RGS17: variants seen among roughly 807,000 people sequenced by gnomAD.
The protein encoded by RGS17 is regulator of G-protein signaling 17.
Under a neutral mutation model 25.5 loss-of-function variants are expected in RGS17, and 12 were observed. That is an observed-to-expected ratio of 0.47 (90% confidence interval 0.30 to 0.76). The LOEUF is 0.76. Among genes scored for constraint, RGS17 ranks in the 30% least tolerant of loss-of-function variants. RGS17 has a pLI of 0.07. For missense variants in RGS17, 196 were observed against 242.2 expected (o/e 0.81, Z 1.27); for synonymous variants, 71 against 76.9 (o/e 0.92, Z 0.40).
At chr6:153,040,634 GTTTC>G (rs1231141321) in intron 2 of RGS17, among the ~76,000 whole-genome samples, 2 of 151,296 alleles carry the variant, frequency 1.3e-5, no homozygotes, top group Non-Finnish European at 2.9e-5. Context: ...CATTTTTAGT[GTTTC>G]TTTTTGTTCT....
intron 1 of RGS17, among the ~76,000 whole-genome samples, chr6:153,098,041 A>T (rs901148517): frequency 4.6e-5 from 7 of 152,150 alleles, no homozygotes; most frequent in African/African-American, 1.4e-4. Flanking sequence ...ATCACTTCCA[A>T]GAGCTGCCAG....
intron 1 of RGS17, among the ~76,000 whole-genome samples, chr6:153,089,934 C>T (rs891227878): frequency 6.6e-6 from 1 of 151,984 alleles, no homozygotes; most frequent in Non-Finnish European, 1.5e-5. Context: ...AAATCTTTTC[C>T]AGGCATCAGT....
At chr6:153,061,922 T>C (rs1776644292) in intron 1 of RGS17, among the ~76,000 whole-genome samples, 1 of 152,246 alleles carries the variant, frequency 6.6e-6, no homozygotes, top group Non-Finnish European at 1.5e-5. Flanking sequence ...TTTCCAAAGC[T>C]ACATTCTGTA....
intron 1 of RGS17, among the ~76,000 whole-genome samples, chr6:153,106,616 T>C (rs1777388953): frequency 6.6e-6 from 1 of 151,932 alleles, no homozygotes; most frequent in Admixed American, 6.6e-5. Context: ...GTAGCCATCA[T>C]AAACATGCCA....
chr6:153,121,519 G>A (rs1584168099), intron 1 of RGS17, among the ~76,000 whole-genome samples: 1 of 152,056 alleles, frequency 6.6e-6, no homozygotes, highest in East Asian at 1.9e-4. Context: ...AATAATCTCA[G>A]TGGCAATGAG....
chr6:153,114,407 A>G (rs1160849609), intron 1 of RGS17, among the ~76,000 whole-genome samples: 2 of 152,238 alleles, frequency 1.3e-5, no homozygotes, highest in Admixed American at 1.3e-4. Context: ...AGAATAGACC[A>G]ATAGTAAGTT....
intron 1 of RGS17, among the ~76,000 whole-genome samples, chr6:153,054,142 A>G (rs1280840335): frequency 7.5e-6 from 1 of 132,712 alleles, no homozygotes; most frequent in African/African-American, 2.8e-5. Context: ...ACAGCTTTAT[A>G]CCAGGCAGGA....
chr6:153,075,055 G>A lies in RGS17; in HGVS notation c.-25-31012C>T, dbSNP rs1046111774. Reference sequence around the variant, plus strand: ...TTTCACTTGGATGAATTTATGAAATGATGAGTAAGAAACAATATAGATAAA... The same window carrying A: ...TTTCACTTGGATGAATTTATGAAATAATGAGTAAGAAACAATATAGATAAA... On this transcript the variant is annotated intron_variant, in intron 1 of 4. Coordinates refer to ENST00000206262, the MANE Select transcript of RGS17 (RefSeq NM_012419.5). Among the ~76,000 whole-genome samples the A allele has an allele frequency of 1.1e-4, 16 of 152,150 alleles. 1 individual carries two copies. Among genetic ancestry groups the A allele is most frequent in the Admixed American group, 9.8e-4 (15 of 15,268 alleles).
intron 1 of RGS17, among the ~76,000 whole-genome samples, chr6:153,075,841 C>A (rs1280584221): frequency 6.6e-6 from 1 of 152,082 alleles, no homozygotes; most frequent in East Asian, 1.9e-4. Context: ...TGTGTGTATA[C>A]ACATACATAC....
At chr6:153,080,336 A>G (rs183748113) in intron 1 of RGS17, among the ~76,000 whole-genome samples, 13 of 152,324 alleles carry the variant, frequency 8.5e-5, no homozygotes, top group African/African-American at 2.9e-4. Flanking sequence ...CATCATTGGC[A>G]TAAAGTTGCT....
intron 4 of RGS17, among the ~76,000 whole-genome samples, chr6:153,020,346 G>T (rs950713301): frequency 4.2e-4 from 63 of 150,276 alleles, no homozygotes; most frequent in African/African-American, 1.5e-3. Context: ...GTAGAGATGG[G>T]GTTTCACTAT....
intron 1 of RGS17, among the ~76,000 whole-genome samples, chr6:153,070,273 T>A (rs1776768686): frequency 6.6e-6 from 1 of 152,060 alleles, no homozygotes; most frequent in South Asian, 2.1e-4. Context: ...TTCTCACATA[T>A]CCATGGAAGA....
intron 1 of RGS17, among the ~76,000 whole-genome samples, chr6:153,106,921 A>G (rs1410008301): frequency 2.6e-5 from 4 of 151,828 alleles, no homozygotes; most frequent in Non-Finnish European, 5.9e-5. Context: ...GGCGTCAGCC[A>G]CCGTGCCTGG....
intron 1 of RGS17, among the ~76,000 whole-genome samples, chr6:153,069,482 T>C (rs1465709621): frequency 1.3e-5 from 2 of 151,090 alleles, no homozygotes; most frequent in African/African-American, 4.9e-5. Flanking sequence ...GGGTGGGAGA[T>C]AGGTGGGGAT....
chr6:153,056,317 G>C (rs952531738), intron 1 of RGS17, among the ~76,000 whole-genome samples: 4 of 152,158 alleles, frequency 2.6e-5, no homozygotes, highest in African/African-American at 7.2e-5. Context: ...AGAAGAGAAA[G>C]ATAATCAGAA....
chr6:153,102,203 G>A (rs1777314535), intron 1 of RGS17, among the ~76,000 whole-genome samples: 3 of 152,192 alleles, frequency 2.0e-5, no homozygotes. Context: ...CACCAGCAAG[G>A]AGGACAGGAA....
In RGS17 at chr6:153,130,103, A is replaced by G. The variant is rs1777764204; in HGVS notation, c.-26+1021T>C. 6.6e-6 allele frequency among the ~76,000 whole-genome samples: 1 copy of G among 152,124 alleles called. No individual in the cohort carries two copies. The highest frequency in any genetic ancestry group is 1.9e-4 in the East Asian group (1 of 5,168). On this transcript the variant is annotated intron_variant, in intron 1 of 4. Coordinates refer to ENST00000206262, the MANE Select transcript of RGS17 (RefSeq NM_012419.5). The surrounding 1 kb of genome is among the most constrained non-coding windows in gnomAD (Gnocchi z 6.4). Reference sequence around the variant, plus strand: ...GCTCCCACCCGCGGCTTCCGAGTCCAGCTCTGTCCCTCCGCCATCCCCTAG... The same window carrying G: ...GCTCCCACCCGCGGCTTCCGAGTCCGGCTCTGTCCCTCCGCCATCCCCTAG...
chr6:153,127,015 TG>T (rs1157711893), intron 1 of RGS17, among the ~76,000 whole-genome samples: 1 of 152,044 alleles, frequency 6.6e-6, no homozygotes, highest in Non-Finnish European at 1.5e-5. Flanking sequence ...CGGATGGCAG[TG>T]GGGGTGGGGG....
At chr6:153,076,915 G>A (rs1219024106) in intron 1 of RGS17, among the ~76,000 whole-genome samples, 1 of 152,176 alleles carries the variant, frequency 6.6e-6, no homozygotes, top group African/African-American at 2.4e-5. Context: ...ACTGTAACAT[G>A]AGAGACTGAG....
Sources: allele counts gnomAD v4.1 joint callset (sites outside exome capture counted in the v4.1 genomes callset), GRCh38; gene constraint gnomAD v4.1.1; non-coding constraint Gnocchi (gnomAD v3.1); transcripts MANE v1.5; gene names NCBI Gene and HGNC (gene_info 2026-07-23, HGNC 2026-07-21).